Variants in FBXL7 observed in about 807,000 individuals in gnomAD.
FBXL7 encodes the protein F-box/LRR-repeat protein 7.
In FBXL7, 12 loss-of-function variants were observed where a neutral mutation model predicts 38.3. The observed-to-expected ratio is 0.31, with a 90% confidence interval of 0.20 to 0.51. FBXL7 has a LOEUF of 0.51. Among genes scored for constraint, FBXL7 ranks in the 20% least tolerant of loss-of-function variants. The pLI is 0.98. For synonymous variants in FBXL7, 297 were observed against 300.9 expected (o/e 0.99, Z 0.13); for missense variants, 567 against 676.4 (o/e 0.84, Z 1.79).
chr5:15,657,295 GCAACTTTAGTAGGCTGTTTGCC>G (rs1463300182), intron 2 of FBXL7, among the ~76,000 whole-genome samples: 1 of 152,024 alleles, frequency 6.6e-6, no homozygotes, highest in African/African-American at 2.4e-5. Flanking sequence ...ACTTTAGTAG[GCAACTTTAGTAGGCTGTTTGCC>G]CTACTTTAGT....
In FBXL7 at chr5:15,928,255, A is replaced by T; in HGVS notation, c.493A>T (p.Asn165Tyr). The T allele has an allele frequency of 6.2e-7, 1 of 1,612,182 alleles. No homozygotes were observed. Among genetic ancestry groups the T allele is most frequent in the African/African-American group, 1.3e-5 (1 of 74,986 alleles). The change falls in exon 3 of 4, where the codon AAC (asparagine) becomes TAC (tyrosine). Residue 165 changes from asparagine to tyrosine, a missense_variant. By Grantham distance (143) the Asn-to-Tyr change is moderately radical. Coordinates refer to ENST00000504595, the MANE Select transcript of FBXL7 (RefSeq NM_012304.5). The surrounding 1 kb of genome is among the most constrained non-coding windows in gnomAD (Gnocchi z 4.0). Reference sequence around the variant, plus strand: ...TATCCGCCTGACGGGCGAGACCATCAACGTGGACCGCGCCCTCAAGGTGCT... The same window carrying T: ...TATCCGCCTGACGGGCGAGACCATCTACGTGGACCGCGCCCTCAAGGTGCT... Reference protein sequence around the residue: ...RTIRLTGETINVDRALKVLTR... With the variant: ...RTIRLTGETIYVDRALKVLTR...
At position 15,937,905 on chromosome 5, in the gene FBXL7, AG is replaced by A. The variant is rs1742244399; in HGVS notation, c.*720del. On this transcript the variant is annotated 3_prime_UTR_variant, in exon 4 of 4. Transcript: ENST00000504595. Reference sequence around the variant, plus strand: ...CAAAGATTAGCTTCATGTCCATTATAGCATTGAGGGAGCAGAGATACCCATA... The same window carrying A: ...CAAAGATTAGCTTCATGTCCATTATACATTGAGGGAGCAGAGATACCCATA... The A allele has an allele frequency of 6.6e-6, 1 of 152,268 alleles. No homozygotes were observed. The highest frequency in any genetic ancestry group is 2.4e-5 in the African/African-American group (1 of 41,428). 9.4% of individuals were successfully genotyped at this position (152,268 alleles called of 1,614,324 possible).
intron 2 of FBXL7, among the ~76,000 whole-genome samples, chr5:15,791,341 C>A (rs1378178884): frequency 6.6e-6 from 1 of 152,150 alleles, no homozygotes; most frequent in Admixed American, 6.5e-5. Flanking sequence ...TGTCTTAATG[C>A]ATTATCTTCT....
intron 2 of FBXL7, among the ~76,000 whole-genome samples, chr5:15,757,818 A>G (rs1368753450): frequency 6.6e-6 from 1 of 152,202 alleles, no homozygotes; most frequent in Non-Finnish European, 1.5e-5. Context: ...TGAAGGATGC[A>G]GCTAAGTGGG....
chr5:15,621,896 A>G (rs1393839792), intron 2 of FBXL7, among the ~76,000 whole-genome samples: 3 of 152,202 alleles, frequency 2.0e-5, no homozygotes, highest in Non-Finnish European at 4.4e-5. Flanking sequence ...TTTGGATCCA[A>G]TACACTCATT....
At chr5:15,802,659 T>TTA (rs1191920707) in intron 2 of FBXL7, among the ~76,000 whole-genome samples, 61 of 151,114 alleles carry the variant, frequency 4.0e-4, no homozygotes, top group African/African-American at 1.4e-3. Context: ...CATCATCCTT[T>TTA]TTTTTTTTTT....
At chr5:15,905,525 G>T (rs988296745) in intron 2 of FBXL7, among the ~76,000 whole-genome samples, 57 of 141,506 alleles carry the variant, frequency 4.0e-4, no homozygotes, top group African/African-American at 1.4e-3. Flanking sequence ...AAATGGTGTT[G>T]TTTTTTTTTT....
intron 2 of FBXL7, among the ~76,000 whole-genome samples, chr5:15,694,484 A>T (rs2126626541): frequency 6.6e-6 from 1 of 152,324 alleles, no homozygotes; most frequent in Non-Finnish European, 1.5e-5. Flanking sequence ...GACAAGATGC[A>T]TGTAAGTGTC....
At chr5:15,787,727 TA>T (rs1737167528) in intron 2 of FBXL7, among the ~76,000 whole-genome samples, 1 of 152,176 alleles carries the variant, frequency 6.6e-6, no homozygotes, top group South Asian at 2.1e-4. Flanking sequence ...AAATTAAATT[TA>T]GAGAGGAAAG....
intron 2 of FBXL7, among the ~76,000 whole-genome samples, chr5:15,667,578 G>T (rs1742326318): frequency 6.6e-6 from 1 of 152,100 alleles, no homozygotes; most frequent in Non-Finnish European, 1.5e-5. Context: ...AAGAAAGTTG[G>T]TGGGCCAGTT....
At chr5:15,675,163 A>C (rs966797725) in intron 2 of FBXL7, among the ~76,000 whole-genome samples, 6 of 152,356 alleles carry the variant, frequency 3.9e-5, no homozygotes, top group East Asian at 1.9e-4. Flanking sequence ...GCCAAAATAC[A>C]CTTTATCTTC....
chr5:15,555,741 G>T (rs1478151948), intron 1 of FBXL7, among the ~76,000 whole-genome samples: 1 of 151,732 alleles, frequency 6.6e-6, no homozygotes, highest in Non-Finnish European at 1.5e-5. Context: ...CTATCTTCTG[G>T]TACCTGACAA....
chr5:15,916,514 G>T (rs1282525513), intron 2 of FBXL7, among the ~76,000 whole-genome samples: 1 of 152,200 alleles, frequency 6.6e-6, no homozygotes, highest in Non-Finnish European at 1.5e-5. Context: ...GGGAACATCA[G>T]TGTATAAGTT....
At chr5:15,725,199 C>T (rs1158955838) in intron 2 of FBXL7, among the ~76,000 whole-genome samples, 2 of 152,040 alleles carry the variant, frequency 1.3e-5, no homozygotes, top group Non-Finnish European at 2.9e-5. Context: ...ATACTTCTTT[C>T]CCTAGCTCTT....
At chr5:15,913,927 G>A (rs1741511630) in intron 2 of FBXL7, among the ~76,000 whole-genome samples, 2 of 152,144 alleles carry the variant, frequency 1.3e-5, no homozygotes, top group Admixed American at 1.3e-4. Context: ...GCGTGACTTA[G>A]TTCGGGGGTT....
intron 2 of FBXL7, among the ~76,000 whole-genome samples, chr5:15,875,335 T>C (rs959576150): frequency 6.6e-6 from 1 of 150,590 alleles, no homozygotes; most frequent in Non-Finnish European, 1.5e-5. Context: ...GGCAATACCA[T>C]TGCATGTGCA....
intron 1 of FBXL7, among the ~76,000 whole-genome samples, chr5:15,514,778 C>G (rs1340234370): frequency 6.6e-6 from 1 of 152,174 alleles, no homozygotes; most frequent in Non-Finnish European, 1.5e-5. Context: ...ACTGAAGGTT[C>G]ACAGCCCAGT....
At chr5:15,710,779 C>T (rs1459172681) in intron 2 of FBXL7, among the ~76,000 whole-genome samples, 1 of 152,096 alleles carries the variant, frequency 6.6e-6, no homozygotes, top group Non-Finnish European at 1.5e-5. Flanking sequence ...TGGCTTAAAA[C>T]AAAGAAATTT....
At chr5:15,905,603 G>T (rs560012560) in intron 2 of FBXL7, among the ~76,000 whole-genome samples, 1 of 151,498 alleles carries the variant, frequency 6.6e-6, no homozygotes, top group African/African-American at 2.4e-5. Flanking sequence ...ACAAACAAAT[G>T]TAACAACAAC....
Sources: allele counts gnomAD v4.1 joint callset (sites outside exome capture counted in the v4.1 genomes callset), GRCh38; gene constraint gnomAD v4.1.1; non-coding constraint Gnocchi (gnomAD v3.1); transcripts MANE v1.5; gene names NCBI Gene and HGNC (gene_info 2026-07-23, HGNC 2026-07-21).